LIPI: variants seen among roughly 807,000 people sequenced by gnomAD.
LIPI encodes the protein lipase member I.
In LIPI, 59 loss-of-function variants were observed where a neutral mutation model predicts 50.6. The observed-to-expected ratio is 1.16, with a 90% CI of 0.94 to 1.45. The LOEUF is 1.45. Ranked by LOEUF, LIPI falls within the 40% of genes most tolerant of loss-of-function variation. The pLI, the probability that LIPI is intolerant of heterozygous loss-of-function variation, is 0.00. For missense variants in LIPI, 586 were observed against 536.3 expected (o/e 1.09, Z -0.92); for synonymous variants, 203 against 178.2 (o/e 1.14, Z -1.11).
chr21:14,192,031 G>A (rs1007023520), intron 1 of LIPI, among the ~76,000 whole-genome samples: 1 of 152,070 alleles, frequency 6.6e-6, no homozygotes, highest in African/African-American at 2.4e-5. Context: ...ACAAGTGTGA[G>A]TAACAGCTGC....
At chr21:14,115,886 T>C (rs1017133320) in intron 9 of LIPI, among the ~76,000 whole-genome samples, 12 of 152,182 alleles carry the variant, frequency 7.9e-5, no homozygotes, top group East Asian at 5.8e-4. Context: ...CTTGCCAATT[T>C]TGATGAACCT....
chr21:14,185,991 T>A lies in LIPI; in HGVS notation c.511A>T (p.Ile171Leu), dbSNP rs780687758. 2 of 1,591,970 alleles carry A rather than the reference T, an allele frequency of 1.3e-6. No homozygotes were observed. Among genetic ancestry groups the A allele is most frequent in the African/African-American group, 2.7e-5 (2 of 74,582 alleles). The change falls in exon 3 of 10, where the codon ATA becomes TTA. Residue 171 changes from isoleucine to leucine, a missense_variant. Physicochemically the swap from Ile to Leu is conservative, Grantham distance 5. Transcript: ENST00000681601. ...GAHISGFVGK[I>L]FHGQLGRITG... ...ATTCTTCCAAGTTGACCATGAAATA[T>A]CTTTCCAACAAATCCACTGATATGA...
intron 8 of LIPI, among the ~76,000 whole-genome samples, chr21:14,148,019 T>A (rs1193986967): frequency 6.6e-6 from 1 of 152,184 alleles, no homozygotes; most frequent in Admixed American, 6.6e-5. Flanking sequence ...AATATTGATA[T>A]TTCCCATTTA....
At chr21:14,184,550 AT>A (rs1265060246) in intron 3 of LIPI, among the ~76,000 whole-genome samples, 2 of 152,174 alleles carry the variant, frequency 1.3e-5, no homozygotes, top group Non-Finnish European at 2.9e-5. Flanking sequence ...AATGTTTTTC[AT>A]TTCAAAAACC....
chr21:14,168,517 C>T (rs960633851), intron 4 of LIPI, among the ~76,000 whole-genome samples: 35 of 152,260 alleles, frequency 2.3e-4, no homozygotes, highest in Admixed American at 4.6e-4. Flanking sequence ...GCGGATCTCT[C>T]GGCAGAAACT....
chr21:14,117,640 G>A (rs1055656330), intron 9 of LIPI, among the ~76,000 whole-genome samples: 18 of 152,258 alleles, frequency 1.2e-4, no homozygotes, highest in Middle Eastern at 3.4e-3. Flanking sequence ...TGAGTTCTAA[G>A]AGAGGCCTTG....
At chr21:14,171,935 C>T (rs1027737981) in intron 4 of LIPI, among the ~76,000 whole-genome samples, 4 of 149,920 alleles carry the variant, frequency 2.7e-5, no homozygotes, top group African/African-American at 4.9e-5. Context: ...AGGCAACCTA[C>T]AAAATGGGAG....
chr21:14,168,494 C>A (rs551266600), intron 4 of LIPI, among the ~76,000 whole-genome samples: 7 of 152,292 alleles, frequency 4.6e-5, no homozygotes, highest in Admixed American at 4.6e-4. Flanking sequence ...AAGGGAAGCC[C>A]ATCAGACTAA....
intron 1 of LIPI, among the ~76,000 whole-genome samples, chr21:14,195,729 C>T (rs376155139): frequency 2.0e-5 from 3 of 152,180 alleles, no homozygotes; most frequent in East Asian, 3.9e-4. Context: ...CTGAAAAATA[C>T]TTGTATCTAG....
At chr21:14,125,045 A>C (rs928683018) in intron 9 of LIPI, among the ~76,000 whole-genome samples, 2 of 152,146 alleles carry the variant, frequency 1.3e-5, no homozygotes, top group Non-Finnish European at 2.9e-5. Context: ...ATTATCTTTC[A>C]AAATGAAGAT....
intron 9 of LIPI, among the ~76,000 whole-genome samples, chr21:14,116,294 C>T (rs979239828): frequency 1.3e-5 from 2 of 151,882 alleles, no homozygotes; most frequent in African/African-American, 2.4e-5. Flanking sequence ...TCCTCCGAGG[C>T]GAGTGTGGGA....
intron 7 of LIPI, among the ~76,000 whole-genome samples, chr21:14,153,360 G>C (rs1278527558): frequency 6.6e-6 from 1 of 152,076 alleles, no homozygotes; most frequent in African/African-American, 2.4e-5. Flanking sequence ...TGACACAAGA[G>C]GTATAAGGAA....
intron 9 of LIPI, among the ~76,000 whole-genome samples, chr21:14,110,996 A>G (rs2016389740): frequency 6.7e-6 from 1 of 149,528 alleles, no homozygotes; most frequent in Non-Finnish European, 1.5e-5. Context: ...CACTATTGAA[A>G]TCTTAGTTTT....
At chr21:14,132,591 A>T (rs1487727290) in intron 9 of LIPI, among the ~76,000 whole-genome samples, 1 of 152,306 alleles carries the variant, frequency 6.6e-6, no homozygotes, top group Middle Eastern at 3.4e-3. Context: ...ACATGGAAAC[A>T]AAAAGTCAAT....
chr21:14,140,591 TC>T (rs760016117), intron 9 of LIPI, among the ~76,000 whole-genome samples: 1 of 151,766 alleles, frequency 6.6e-6, no homozygotes, highest in Non-Finnish European at 1.5e-5. Flanking sequence ...TAGATTTTCC[TC>T]CATTTTTTTG....
At chr21:14,167,258 C>T (rs2018722602) in intron 4 of LIPI, among the ~76,000 whole-genome samples, 1 of 152,360 alleles carries the variant, frequency 6.6e-6, no homozygotes, top group Non-Finnish European at 1.5e-5. Flanking sequence ...GCCTGCCTGC[C>T]TCTGTAGGCT....
chr21:14,125,131 C>T (rs2123353672), intron 9 of LIPI, among the ~76,000 whole-genome samples: 1 of 152,170 alleles, frequency 6.6e-6, no homozygotes, highest in Non-Finnish European at 1.5e-5. Flanking sequence ...GTTTGAGAAG[C>T]TCCTTCAATC....
At chr21:14,130,062 C>A (rs1483721933) in intron 9 of LIPI, among the ~76,000 whole-genome samples, 2 of 152,140 alleles carry the variant, frequency 1.3e-5, no homozygotes, top group African/African-American at 4.8e-5. Context: ...GATGGATCAA[C>A]AAACTTTGTA....
chr21:14,205,124 A>G (rs1474495347), intron 1 of LIPI, among the ~76,000 whole-genome samples: 1 of 151,816 alleles, frequency 6.6e-6, no homozygotes, highest in Admixed American at 6.6e-5. Context: ...TCATAAATGT[A>G]TTAAACATAT....
Sources: allele counts gnomAD v4.1 joint callset (sites outside exome capture counted in the v4.1 genomes callset), GRCh38; gene constraint gnomAD v4.1.1; transcripts MANE v1.5; gene names NCBI Gene and HGNC (gene_info 2026-07-23, HGNC 2026-07-21).